Variants in BDH1 observed in about 807,000 individuals in gnomAD.
BDH1 encodes D-beta-hydroxybutyrate dehydrogenase, mitochondrial.
In BDH1, 30 loss-of-function variants were observed where a neutral mutation model predicts 33.1. That is an observed-to-expected ratio of 0.91 (90% CI 0.68 to 1.23). The LOEUF (loss-of-function observed/expected upper bound fraction) is 1.23, where lower values mean the gene tolerates loss of function less well. Ranked by LOEUF, BDH1 falls within the 50% of genes most tolerant of loss-of-function variation. The pLI, the probability that BDH1 is intolerant of heterozygous loss-of-function variation, is 0.00. For missense variants in BDH1, 443 were observed against 464.4 expected (o/e 0.95, Z 0.42); for synonymous variants, 190 against 183.6 (o/e 1.03, Z -0.28).
intron 5 of BDH1, among the ~76,000 whole-genome samples, chr3:197,531,445 A>C (rs990363948): frequency 6.8e-6 from 1 of 146,746 alleles, no homozygotes; most frequent in African/African-American, 2.5e-5. Flanking sequence ...ATGTGTATAT[A>C]TATATATACA....
chr3:197,512,200 C>T lies in BDH1; in HGVS notation c.727G>A (p.Ala243Thr), dbSNP rs140457761. ...TCAGGGCTGTAAAGGCTGGTGGCAG[C>T]GATGAAGTTGCCGGGCTCCACCACG... ...VSVVEPGNFI[A>T]ATSLYSPESI... The change falls in exon 8 of 8, where the codon GCT (alanine) becomes ACT (threonine). Residue 243 changes from alanine (A) to threonine (T), a missense_variant. By Grantham distance (58) the Ala-to-Thr change is moderately conservative. Transcript: ENST00000392379. 93 of 1,613,900 alleles carry T rather than the reference C, an allele frequency of 5.8e-5. No homozygotes were observed. The highest frequency in any genetic ancestry group is 6.6e-5 in the Non-Finnish European group (78 of 1,180,028).
chr3:197,557,597 A>G (rs1717113454), upstream of BDH1, among the ~76,000 whole-genome samples: 1 of 152,176 alleles, frequency 6.6e-6, no homozygotes, highest in African/African-American at 2.4e-5. This position sits in a 1 kb window ranked among gnomAD's most constrained non-coding sequence, Gnocchi z 4.6. Context: ...GATGCTTGTA[A>G]TCCCAGCTAG....
chr3:197,559,781 T>G (rs1053766658), upstream of BDH1, among the ~76,000 whole-genome samples: 1 of 152,250 alleles, frequency 6.6e-6, no homozygotes, highest in African/African-American at 2.4e-5. Flanking sequence ...ACTGAGGAGT[T>G]GGGACTGGGT....
Position 197,510,894 on chromosome 3 carries a change from A to G in BDH1, c.*1001T>C, listed in dbSNP as rs929976883. 11 of 152,232 alleles carry G rather than the reference A, an allele frequency of 7.2e-5. 1 individual carries two copies. Among genetic ancestry groups the G allele is most frequent in the Non-Finnish European group, 1.0e-4 (7 of 68,144 alleles). 9.4% of individuals were successfully genotyped at this position (152,232 alleles called of 1,614,324 possible). ...CCAGTAACAACTTATCCCCTTAGCC[A>G]GAGAGCACCTCCACACAAGTCTATC... is the stretch of plus-strand genomic sequence containing the variant. On this transcript the variant is annotated 3_prime_UTR_variant, in exon 8 of 8. Transcript: ENST00000392379.
Position 197,546,425 on chromosome 3 carries a change from A to G in BDH1, c.19T>C (p.Ser7Pro). 6.2e-7 allele frequency: 1 copy of G among 1,614,014 alleles called. No homozygotes were observed. The highest frequency in any genetic ancestry group is 8.5e-7 in the Non-Finnish European group (1 of 1,179,992). ...CCTGGGAGCCGTGACAGGGGTCTGG[A>G]GAGGCGGGTGGCCAGCATGGTAGCA... MLATRL[S>P]RPLSRLPGKT... Residue 7 changes from serine to proline, a missense_variant, in exon 3 of 8, where the codon TCC becomes CCC. Coordinates refer to ENST00000392379, the MANE Select transcript of BDH1 (RefSeq NM_203314.3).
At chr3:197,537,661 C>T (rs73083795) in intron 3 of BDH1, among the ~76,000 whole-genome samples, 61 of 152,246 alleles carry the variant, frequency 4.0e-4, no homozygotes, top group African/African-American at 1.3e-3. Flanking sequence ...TGGTGTTTAC[C>T]CTTTATCAAG....
At position 197,512,355 on chromosome 3, in the gene BDH1, A is replaced by G; in HGVS notation, c.572T>C (p.Val191Ala). ...PLIRRAKGRV[V>A]NISSMLGRMA... is the part of the protein sequence containing the mutation. ...GCGGCCCAGCATGCTGCTGATATTG[A>G]CGACGCGGCCTACAGAGGGAGACAG... The change falls in exon 8 of 8, where the codon GTC (valine) becomes GCC (alanine). Residue 191 changes from valine (V) to alanine (A), a missense_variant. Val to Ala is a moderately conservative substitution (Grantham distance 64). Transcript: ENST00000392379. The G allele has an allele frequency of 6.2e-7, 1 of 1,604,456 alleles. No individual in the cohort carries two copies. The highest frequency in any genetic ancestry group is 8.5e-7 in the Non-Finnish European group (1 of 1,177,766).
chr3:197,512,126 G>A lies in BDH1; in HGVS notation c.801C>T (p.Val267=), dbSNP rs183131131. The change falls in exon 8 of 8, where the codon GTC becomes GTT. Residue 267 remains valine, a synonymous_variant. Coordinates refer to ENST00000392379, the MANE Select transcript of BDH1 (RefSeq NM_203314.3). ...AKKMWEELPE[V]VRKDYGKKYF... is the part of the protein sequence containing the mutation. ...ACTTCTTGCCGTAGTCCTTGCGCAC[G>A]ACCTCAGGCAGCTCCTCCCACATCT... The A allele has an allele frequency of 6.2e-6, 10 of 1,614,046 alleles. No homozygotes were observed. Among genetic ancestry groups the A allele is most frequent in the East Asian group, 2.2e-5 (1 of 44,902 alleles).
chr3:197,509,859 T>A lies in BDH1; in HGVS notation c.*2036A>T, dbSNP rs1451501692. 2 of 152,242 alleles carry A rather than the reference T, an allele frequency of 1.3e-5. No homozygotes were observed. Among genetic ancestry groups the A allele is most frequent in the Admixed American group, 1.3e-4 (2 of 15,288 alleles). 9.4% of individuals were successfully genotyped at this position (152,242 alleles called of 1,614,324 possible). On this transcript the variant is annotated 3_prime_UTR_variant, in exon 8 of 8. Transcript: ENST00000392379. ...ATGTAAAAGTGCAATTCCGAAAGGA[T>A]CCTGCTAGAACAAGGTCCACGGTAC... is the stretch of plus-strand genomic sequence containing the variant.
At chr3:197,538,220 G>A in intron 3 of BDH1, 1 of 452,692 alleles carries the variant, frequency 2.2e-6, no homozygotes, top group South Asian at 1.6e-5. Context: ...GTTTTTAAAG[G>A]ATATTAACCC....
intron 1 of BDH1, among the ~76,000 whole-genome samples, chr3:197,565,798 A>G (rs1420873070): frequency 6.6e-6 from 1 of 152,208 alleles, no homozygotes; most frequent in East Asian, 1.9e-4. Flanking sequence ...ATAATCAACT[A>G]TAGAACTCTA....
chr3:197,531,864 C>T (rs908376029), intron 5 of BDH1, among the ~76,000 whole-genome samples: 9 of 152,060 alleles, frequency 5.9e-5, no homozygotes, highest in East Asian at 1.9e-4. Flanking sequence ...TAATGTGTCC[C>T]GAAGGAGCCT....
upstream of BDH1, chr3:197,556,149 C>T (rs1340143275): frequency 6.6e-6 from 1 of 152,268 alleles, no homozygotes; most frequent in Non-Finnish European, 1.5e-5. Flanking sequence ...AGATCCCCCG[C>T]CGCCTTCTCG....
chr3:197,538,299 G>A (rs1057501346), intron 3 of BDH1: 6 of 456,580 alleles, frequency 1.3e-5, no homozygotes, highest in Non-Finnish European at 2.6e-5. Flanking sequence ...ATGGGAGATA[G>A]ACTTACCTTT....
intron 3 of BDH1, among the ~76,000 whole-genome samples, chr3:197,541,941 G>A (rs1321683588): frequency 2.0e-5 from 3 of 152,294 alleles, no homozygotes; most frequent in East Asian, 3.9e-4. Context: ...GCCAGCATCC[G>A]TTCTTCTCAT....
At chr3:197,519,931 C>G (rs946166847) in intron 6 of BDH1, among the ~76,000 whole-genome samples, 2 of 152,274 alleles carry the variant, frequency 1.3e-5, no homozygotes, top group Non-Finnish European at 2.9e-5. Flanking sequence ...TTGGCAGCAA[C>G]TGTTCCACAG....
At chr3:197,527,955 C>A (rs901848075) in intron 5 of BDH1, among the ~76,000 whole-genome samples, 4 of 152,148 alleles carry the variant, frequency 2.6e-5, no homozygotes, top group African/African-American at 9.7e-5. Context: ...ATCTTCTTTT[C>A]CTGTTTTATT....
chr3:197,524,996 C>T (rs1277546213), intron 5 of BDH1, among the ~76,000 whole-genome samples: 2 of 152,124 alleles, frequency 1.3e-5, no homozygotes, highest in African/African-American at 4.8e-5. Flanking sequence ...GCCGGAGGCT[C>T]GATGGTCTAA....
upstream of BDH1, among the ~76,000 whole-genome samples, chr3:197,560,360 C>T (rs1332059024): frequency 1.3e-5 from 2 of 152,174 alleles, no homozygotes; most frequent in African/African-American, 2.4e-5. Context: ...GTTCCTCTTC[C>T]TTATTTGAAG....
Sources: allele counts gnomAD v4.1 joint callset (sites outside exome capture counted in the v4.1 genomes callset), GRCh38; gene constraint gnomAD v4.1.1; non-coding constraint Gnocchi (gnomAD v3.1); transcripts MANE v1.5; gene names NCBI Gene and HGNC (gene_info 2026-07-23, HGNC 2026-07-21).